SYT16: variants seen among roughly 807,000 people sequenced by gnomAD.
The protein encoded by SYT16 is synaptotagmin 16.
SYT16 carries 42 observed loss-of-function variants against 61.4 expected under a neutral mutation model. The observed-to-expected ratio is 0.68, with a 90% confidence interval of 0.53 to 0.89. SYT16 has a LOEUF of 0.89. Among genes scored for constraint, SYT16 ranks in the 40% least tolerant of loss-of-function variants. SYT16 has a pLI of 0.00. For missense variants in SYT16, 804 were observed against 807.3 expected (o/e 1.00, Z 0.05); for synonymous variants, 314 against 302.3 (o/e 1.04, Z -0.40).
At chr14:61,884,352 T>G (rs2047813108) in intron 1 of SYT16, among the ~76,000 whole-genome samples, 1 of 152,182 alleles carries the variant, frequency 6.6e-6, no homozygotes. Context: ...TATTAAAGAT[T>G]GTTAGAAGTG....
At chr14:62,057,555 A>T (rs2055621208) in intron 3 of SYT16, among the ~76,000 whole-genome samples, 1 of 152,200 alleles carries the variant, frequency 6.6e-6, no homozygotes, top group South Asian at 2.1e-4. Context: ...GGAGTAGAGA[A>T]ATGCAACATT....
At chr14:62,093,640 C>A (rs2057170726) in intron 7 of SYT16, among the ~76,000 whole-genome samples, 1 of 151,986 alleles carries the variant, frequency 6.6e-6, no homozygotes, top group African/African-American at 2.4e-5. Context: ...GTGTAATTTA[C>A]CATATTAACT....
intron 1 of SYT16, among the ~76,000 whole-genome samples, chr14:61,914,870 C>T (rs969899286): frequency 6.6e-6 from 1 of 152,154 alleles, no homozygotes; most frequent in Admixed American, 6.5e-5. Context: ...ATAAATCAGG[C>T]CTTGTTACAC....
chr14:61,948,322 G>T (rs1241355554), intron 1 of SYT16, among the ~76,000 whole-genome samples: 1 of 151,942 alleles, frequency 6.6e-6, no homozygotes, highest in East Asian at 1.9e-4. Context: ...ATCAAAGTAG[G>T]TTAGTCTAGC....
At chr14:62,086,135 G>T (rs1169391730) in intron 7 of SYT16, among the ~76,000 whole-genome samples, 2 of 152,150 alleles carry the variant, frequency 1.3e-5, no homozygotes, top group African/African-American at 4.8e-5. Context: ...ACCAGCTGGA[G>T]GCCAACAAAC....
At chr14:61,987,255 G>T (rs1186288293) in intron 2 of SYT16, among the ~76,000 whole-genome samples, 2 of 152,134 alleles carry the variant, frequency 1.3e-5, no homozygotes, top group African/African-American at 4.8e-5. Context: ...GAGGAGGTGA[G>T]ATGCCCCAGC....
chr14:61,973,146 G>T (rs529947187), intron 2 of SYT16, among the ~76,000 whole-genome samples: 2 of 152,122 alleles, frequency 1.3e-5, no homozygotes, highest in African/African-American at 4.8e-5. Context: ...CATCAGAGAG[G>T]CAAGAGTGGA....
intron 1 of SYT16, among the ~76,000 whole-genome samples, chr14:61,938,165 A>G (rs1377259767): frequency 1.3e-5 from 2 of 152,124 alleles, no homozygotes; most frequent in African/African-American, 4.8e-5. Context: ...AAGAAATGAG[A>G]TACGCAAACA....
At chr14:61,855,679 T>C (rs1299026824) in intron 1 of SYT16, among the ~76,000 whole-genome samples, 2 of 152,262 alleles carry the variant, frequency 1.3e-5, no homozygotes, top group Non-Finnish European at 2.9e-5. Context: ...TATCTGTATG[T>C]GTATTTAATA....
chr14:62,041,755 G>C (rs2054739805), intron 3 of SYT16, among the ~76,000 whole-genome samples: 1 of 152,032 alleles, frequency 6.6e-6, no homozygotes, highest in African/African-American at 2.4e-5. Flanking sequence ...CTCTCCTTCA[G>C]GGTTTCCCAT....
At chr14:61,889,826 A>G (rs1191858049) in intron 1 of SYT16, among the ~76,000 whole-genome samples, 1 of 151,970 alleles carries the variant, frequency 6.6e-6, no homozygotes, top group East Asian at 1.9e-4. Context: ...ACCCAGCCTC[A>G]GCATTCCTTT....
At chr14:61,918,095 G>A (rs1249836731) in intron 1 of SYT16, among the ~76,000 whole-genome samples, 1 of 152,122 alleles carries the variant, frequency 6.6e-6, no homozygotes, top group Non-Finnish European at 1.5e-5. Context: ...TGCTTGACCT[G>A]CATAAGGAAT....
chr14:61,984,159 C>T (rs953629050), intron 2 of SYT16, among the ~76,000 whole-genome samples: 1 of 152,134 alleles, frequency 6.6e-6, no homozygotes, highest in East Asian at 1.9e-4. Context: ...CAAATGCCTC[C>T]ACCCCTTCTG....
chr14:62,077,025 C>G (rs866739230), intron 5 of SYT16, among the ~76,000 whole-genome samples: 2 of 152,246 alleles, frequency 1.3e-5, no homozygotes, highest in Non-Finnish European at 1.5e-5. Context: ...AGTAGAACCT[C>G]AAATCCAACT....
intron 1 of SYT16, among the ~76,000 whole-genome samples, chr14:61,822,825 T>C (rs2045656850): frequency 6.6e-6 from 1 of 151,994 alleles, no homozygotes; most frequent in Non-Finnish European, 1.5e-5. Flanking sequence ...GAAACTCAGG[T>C]TGAAAGTGGG....
In SYT16 at chr14:61,996,211, A is replaced by C; in HGVS notation, c.192A>C (p.Glu64Asp). 6.2e-7 allele frequency: 1 copy of C among 1,613,604 alleles called. No individual in the cohort carries two copies. The highest frequency in any genetic ancestry group is 8.5e-7 in the Non-Finnish European group (1 of 1,179,640). Residue 64 changes from glutamate (E) to aspartate (D), a missense_variant, in exon 3 of 8, where the codon GAA becomes GAC. Physicochemically the swap from Glu to Asp is conservative, Grantham distance 45. Transcript: ENST00000683842. The stretch of plus-strand genomic sequence containing the variant: ...ACTTAGATAATATTCAGATTCAGGA[A>C]ACGTACTTTGAAGATGAAGAACAAG... ...DQDLDNIQIQ[E>D]TYFEDEEQDN...
At chr14:62,000,062 A>G (rs55977785) in intron 3 of SYT16, among the ~76,000 whole-genome samples, 17,609 of 60,884 alleles carry the variant, frequency 0.29, 1,214 homozygotes, top group Middle Eastern at 0.4. Context: ...TCTTGAGGCT[A>G]TTTTTTCTGA....
At chr14:62,048,760 G>A (rs1273064095) in intron 3 of SYT16, among the ~76,000 whole-genome samples, 1 of 152,132 alleles carries the variant, frequency 6.6e-6, no homozygotes, top group East Asian at 1.9e-4. Flanking sequence ...GGAGCAGGTT[G>A]TTCAGTTTCC....
chr14:61,912,958 T>A (rs1397676845), intron 1 of SYT16, among the ~76,000 whole-genome samples: 1 of 152,134 alleles, frequency 6.6e-6, no homozygotes, highest in Admixed American at 6.5e-5. Flanking sequence ...GATAGAAACA[T>A]GAGGTACAGA....
Sources: allele counts gnomAD v4.1 joint callset (sites outside exome capture counted in the v4.1 genomes callset), GRCh38; gene constraint gnomAD v4.1.1; transcripts MANE v1.5; gene names NCBI Gene and HGNC (gene_info 2026-07-23, HGNC 2026-07-21).